Variants in CHL1 observed in about 807,000 individuals in gnomAD.
CHL1 encodes the protein neural cell adhesion molecule L1-like protein.
A neutral mutation model predicts 141.9 loss-of-function variants in CHL1; 96 were observed. That is an observed-to-expected ratio of 0.68 (90% CI 0.57 to 0.80). The LOEUF (loss-of-function observed/expected upper bound fraction) is 0.80. Among genes scored for constraint, CHL1 ranks in the 30% least tolerant of loss-of-function variants. The probability of loss-of-function intolerance (pLI) is 0.00; values close to 1 mark genes in which losing one functional copy is unlikely to be tolerated. For missense variants in CHL1, 1,820 were observed against 1,457.2 expected (o/e 1.25, Z -4.05); for synonymous variants, 613 against 502.2 (o/e 1.22, Z -2.95).
rs180769929 is a variant in CHL1, at chr3:303,665, A to G, written c.-94-16018A>G. ...GATGGGGTTTTCTAATTATACAATC[A>G]TGTCAACTCCAAACAGAGACAATTT... is the stretch of plus-strand genomic sequence containing the variant. On this transcript the variant is annotated intron_variant, in intron 2 of 27. Coordinates refer to ENST00000256509, the MANE Select transcript of CHL1 (RefSeq NM_006614.4). 3.3e-5 allele frequency among the ~76,000 whole-genome samples: 5 copies of G among 152,330 alleles called. No individual in the cohort carries two copies. In the East Asian group the frequency reaches 7.7e-4, roughly 24 times the overall value.
intron 2 of CHL1, among the ~76,000 whole-genome samples, chr3:306,661 T>C (rs370363187): frequency 6.6e-6 from 1 of 152,168 alleles, no homozygotes; most frequent in Admixed American, 6.5e-5. Flanking sequence ...AAAAAATTTG[T>C]CTCAGAGAAT....
At chr3:376,525 C>T (rs1334353083) in intron 15 of CHL1, 7 of 436,838 alleles carry the variant, frequency 1.6e-5, no homozygotes, top group African/African-American at 1.0e-4. Flanking sequence ...GGAAACAAGG[C>T]ATAGTGCAAC....
chr3:300,286 G>A (rs151231608), intron 2 of CHL1, among the ~76,000 whole-genome samples: 94 of 152,198 alleles, frequency 6.2e-4, no homozygotes, highest in African/African-American at 2.2e-3. Context: ...ATGAACCTTT[G>A]GATTTACTGA....
chr3:221,085 A>T (rs1040247123), intron 1 of CHL1, among the ~76,000 whole-genome samples: 3 of 152,138 alleles, frequency 2.0e-5, no homozygotes, highest in African/African-American at 7.2e-5. Context: ...ATGACCTGAA[A>T]TCCCACACTC....
At chr3:248,575 T>A (rs1309293216) in intron 2 of CHL1, 1 of 152,132 alleles carries the variant, frequency 6.6e-6, no homozygotes, top group Non-Finnish European at 1.5e-5. Flanking sequence ...GCAATCAAGG[T>A]AATAAATGTA....
chr3:228,190 T>A (rs913565607), intron 1 of CHL1, among the ~76,000 whole-genome samples: 1 of 152,216 alleles, frequency 6.6e-6, no homozygotes, highest in Admixed American at 6.5e-5. Context: ...ATATGTTTTT[T>A]AAGGACAATT....
At chr3:391,286 C>T (rs1708208917) in intron 22 of CHL1, 127 bp downstream of exon 22, 1 of 709,584 alleles carries the variant, frequency 1.4e-6, no homozygotes. Flanking sequence ...GAGGCCAAGG[C>T]AGATGGATCA....
At chr3:359,182 A>T (rs1329505108) in intron 11 of CHL1, among the ~76,000 whole-genome samples, 2 of 151,950 alleles carry the variant, frequency 1.3e-5, no homozygotes, top group African/African-American at 4.8e-5. Flanking sequence ...TAAAATGGCC[A>T]TGTAAATGCT....
chr3:379,564 A>G (rs977019803), intron 16 of CHL1, among the ~76,000 whole-genome samples: 5 of 152,134 alleles, frequency 3.3e-5, no homozygotes, highest in Admixed American at 6.5e-5. Context: ...TATTTTGAGC[A>G]GTCTCAGCCA....
chr3:290,026 T>A (rs1697540796), intron 2 of CHL1, among the ~76,000 whole-genome samples: 1 of 148,424 alleles, frequency 6.7e-6, no homozygotes, highest in Non-Finnish European at 1.5e-5. Context: ...AATAGCACCG[T>A]AACTCACCCC....
chr3:304,663 C>T (rs1383337133), intron 2 of CHL1, among the ~76,000 whole-genome samples: 1 of 152,036 alleles, frequency 6.6e-6, no homozygotes, highest in Non-Finnish European at 1.5e-5. Context: ...AGCGGTCTAA[C>T]TATTTTGTTG....
intron 2 of CHL1, among the ~76,000 whole-genome samples, chr3:276,159 G>A (rs887151815): frequency 6.6e-5 from 10 of 151,664 alleles, no homozygotes; most frequent in African/African-American, 1.7e-4. Context: ...ATATTTTTCC[G>A]ACCTGTCTAA....
intron 2 of CHL1, among the ~76,000 whole-genome samples, chr3:265,243 C>T (rs1695054747): frequency 6.6e-6 from 1 of 152,216 alleles, no homozygotes; most frequent in Non-Finnish European, 1.5e-5. Flanking sequence ...AATTTCTCAA[C>T]ATTTCTGTGT....
intron 2 of CHL1, among the ~76,000 whole-genome samples, chr3:251,971 A>G (rs763845968): frequency 2.0e-5 from 3 of 152,096 alleles, no homozygotes; most frequent in Non-Finnish European, 4.4e-5. Flanking sequence ...AAAAATATCA[A>G]GCTGAGTTGG....
intron 5 of CHL1, among the ~76,000 whole-genome samples, chr3:331,380 G>A (rs1701427850): frequency 6.6e-6 from 1 of 152,016 alleles, no homozygotes; most frequent in African/African-American, 2.4e-5. Flanking sequence ...CTACAGGCGA[G>A]TGCTACCGTG....
At chr3:299,561 C>T (rs558827521) in intron 2 of CHL1, among the ~76,000 whole-genome samples, 1 of 152,142 alleles carries the variant, frequency 6.6e-6, no homozygotes, top group Non-Finnish European at 1.5e-5. Context: ...ATTAGGTACA[C>T]ATTTTTAATA....
chr3:203,155 T>A (rs916793271), intron 1 of CHL1, among the ~76,000 whole-genome samples: 2 of 152,244 alleles, frequency 1.3e-5, no homozygotes, highest in Admixed American at 1.3e-4. Flanking sequence ...GATTTTTATT[T>A]TCTTTCTAAG....
chr3:308,038 C>T (rs1212404018), intron 2 of CHL1, among the ~76,000 whole-genome samples: 1 of 152,134 alleles, frequency 6.6e-6, no homozygotes, highest in African/African-American at 2.4e-5. Flanking sequence ...ATTTAAAGTT[C>T]TATTAGCCTT....
chr3:361,902 C>G, intron 13 of CHL1, 92 bp downstream of exon 13: 4 of 899,294 alleles, frequency 4.4e-6, no homozygotes, highest in East Asian at 4.9e-5. Flanking sequence ...TGTATTGTGT[C>G]TATATTGTTA....
Sources: gnomAD v4.1 joint callset for allele counts (sites outside exome capture counted in the v4.1 genomes callset) on GRCh38, gnomAD v4.1.1 for gene constraint, MANE v1.5 for transcripts, NCBI Gene and HGNC (gene_info 2026-07-23, HGNC 2026-07-21) for gene names.